Variants in AMBRA1 observed in about 807,000 individuals in gnomAD.
AMBRA1 encodes activating molecule in BECN1-regulated autophagy protein 1.
A neutral mutation model predicts 125.4 loss-of-function variants in AMBRA1; 47 were observed. The ratio of observed to expected loss-of-function variants is 0.37; its 90% CI spans 0.30 to 0.48. The LOEUF is 0.48. Among genes scored for constraint, AMBRA1 ranks in the 20% least tolerant of loss-of-function variants. The pLI, the probability that AMBRA1 is intolerant of heterozygous loss-of-function variation, is 0.99. For synonymous variants in AMBRA1, 626 were observed against 655.5 expected, an observed-to-expected ratio of 0.95 and a Z score of 0.69; for missense variants, 1,331 against 1,693.4, an observed-to-expected ratio of 0.79 and a Z score of 3.76.
chr11:46,445,196 GA>G (rs1038854397), intron 11 of AMBRA1, among the ~76,000 whole-genome samples: 1 of 152,102 alleles, frequency 6.6e-6, no homozygotes, highest in African/African-American at 2.4e-5. Context: ...GACAAGTAGG[GA>G]AAAAATGTCT....
At chr11:46,551,311 C>CGTTT (rs1555005773) in intron 1 of AMBRA1, among the ~76,000 whole-genome samples, 1 of 151,514 alleles carries the variant, frequency 6.6e-6, no homozygotes, top group Non-Finnish European at 1.5e-5. Context: ...TTTGTGGGGA[C>CGTTT]TTTATTTTTA....
chr11:46,447,856 G>A (rs1484007844), intron 11 of AMBRA1, among the ~76,000 whole-genome samples: 2 of 151,654 alleles, frequency 1.3e-5, no homozygotes, highest in Admixed American at 6.6e-5. Context: ...TGTGTGTATT[G>A]CATCTACAGT....
At chr11:46,406,372 TAAAAAA>T (rs529275776) in intron 17 of AMBRA1, among the ~76,000 whole-genome samples, 1 of 81,534 alleles carries the variant, frequency 1.2e-5, no homozygotes, top group Admixed American at 1.5e-4. Flanking sequence ...ATCTTTAAAT[TAAAAAA>T]AAAAAAAAAA....
At chr11:46,514,858 G>A (rs963721853) in intron 7 of AMBRA1, among the ~76,000 whole-genome samples, 5 of 152,162 alleles carry the variant, frequency 3.3e-5, no homozygotes, top group African/African-American at 1.2e-4. Flanking sequence ...GAATGTGTGG[G>A]ACAGGTAAGG....
At chr11:46,564,417 G>A (rs967627515) in intron 1 of AMBRA1, among the ~76,000 whole-genome samples, 1 of 152,086 alleles carries the variant, frequency 6.6e-6, no homozygotes, top group African/African-American at 2.4e-5. Flanking sequence ...GATGGGTACT[G>A]TTATTCCCAT....
rs553259677 is a variant in AMBRA1 at position 46,497,033 on chromosome 11, A to C, written c.2340-2829T>G. ...AGGTTAAGACACAAGAATCGCTTGA[A>C]CCAGGAGGCGGAGGTTGCAGTGAGC... On this transcript the variant is annotated intron_variant, in intron 9 of 17. Coordinates refer to ENST00000683756, the MANE Select transcript of AMBRA1 (RefSeq NM_001387011.1). Among the ~76,000 whole-genome samples, 6 of 151,938 alleles carry C rather than the reference A, an allele frequency of 3.9e-5. No homozygotes were observed. In the East Asian group the frequency reaches 9.7e-4, roughly 25 times the overall value.
In AMBRA1 at chr11:46,434,904, T is replaced by C; in HGVS notation, c.2766A>G (p.Ala922=). The C allele has an allele frequency of 1.2e-6, 2 of 1,614,130 alleles. No individual in the cohort carries two copies. The highest frequency in any genetic ancestry group is 1.7e-6 in the Non-Finnish European group (2 of 1,180,002). The change falls in exon 13 of 18, where the codon GCA becomes GCG. Residue 922 remains alanine (A), a synonymous_variant. Transcript: ENST00000683756. ...GGTTATGGGGGGCCAGGGAGTACAC[T>C]GCCAGGATGCCTTCATCAGGAAAGC... ...QRGFPDEGIL[A]VYSLAPHNLG...
intron 6 of AMBRA1, 65 bp downstream of exon 6, chr11:46,543,910 T>C (rs1952872807): frequency 1.6e-6 from 2 of 1,285,678 alleles, no homozygotes; most frequent in South Asian, 1.2e-5. Flanking sequence ...ATAATCAGAA[T>C]TGGAATACTA....
intron 7 of AMBRA1, among the ~76,000 whole-genome samples, chr11:46,523,202 C>G (rs949964432): frequency 6.6e-6 from 1 of 152,208 alleles, no homozygotes; most frequent in Non-Finnish European, 1.5e-5. Flanking sequence ...AAGGTTCATT[C>G]TGAACTGCTT....
rs191854481 is a variant in AMBRA1, at chr11:46,500,646, T to C, written c.2340-6442A>G. ...TCATATCACAAACACTCCATAGCTC[T>C]AGCCACAGATCTATTCAGGGTCCCT... On this transcript the variant is annotated intron_variant, in intron 9 of 17. Transcript: ENST00000683756. Among the ~76,000 whole-genome samples the C allele has an allele frequency of 5.1e-4, 78 of 152,340 alleles. 1 individual carries two copies. Among genetic ancestry groups the C allele is most frequent in the Admixed American group, 3.5e-3 (54 of 15,304 alleles).
intron 11 of AMBRA1, among the ~76,000 whole-genome samples, chr11:46,477,100 CAAAA>C (rs966567377): frequency 2.8e-5 from 2 of 72,072 alleles, no homozygotes; most frequent in African/African-American, 5.1e-5. Flanking sequence ...AAGACTGTCT[CAAAA>C]AAAAAAAAAA....
intron 14 of AMBRA1, chr11:46,428,634 A>C (rs1947278908): frequency 5.7e-6 from 9 of 1,589,598 alleles, no homozygotes; most frequent in Admixed American, 1.7e-5. Context: ...TATTCAATGC[A>C]AAAGAATCCT....
At chr11:46,537,165 AAAT>A (rs1408664751) in intron 7 of AMBRA1, among the ~76,000 whole-genome samples, 1 of 152,238 alleles carries the variant, frequency 6.6e-6, no homozygotes, top group Non-Finnish European at 1.5e-5. Flanking sequence ...TTCTACCCAA[AAAT>A]AATAATTACA....
chr11:46,505,822 C>T (rs1185299970), intron 9 of AMBRA1, among the ~76,000 whole-genome samples: 1 of 152,050 alleles, frequency 6.6e-6, no homozygotes, highest in African/African-American at 2.4e-5. Context: ...ACATTTTAAA[C>T]TAACCCAGAA....
chr11:46,506,072 C>A (rs1006598438), intron 9 of AMBRA1, among the ~76,000 whole-genome samples: 52 of 152,280 alleles, frequency 3.4e-4, no homozygotes, highest in African/African-American at 1.2e-3. Context: ...CTGAATAGAC[C>A]CTGGTGCTGG....
intron 7 of AMBRA1, among the ~76,000 whole-genome samples, chr11:46,532,256 T>G (rs761221749): frequency 6.6e-6 from 1 of 152,180 alleles, no homozygotes; most frequent in Admixed American, 6.5e-5. Context: ...TTGTCAGAGA[T>G]AGAACAGGGC....
At chr11:46,484,302 T>C (rs1430792565) in intron 11 of AMBRA1, among the ~76,000 whole-genome samples, 1 of 152,162 alleles carries the variant, frequency 6.6e-6, no homozygotes, top group African/African-American at 2.4e-5. Context: ...TTCTGAGGGG[T>C]TGCAAAACAT....
At chr11:46,567,707 C>T (rs539066221) in intron 1 of AMBRA1, among the ~76,000 whole-genome samples, 86 of 151,714 alleles carry the variant, frequency 5.7e-4, no homozygotes, top group African/African-American at 2.0e-3. Context: ...GACAAGATGA[C>T]CCCACCCCAA....
At chr11:46,467,007 T>A (rs1949358658) in intron 11 of AMBRA1, among the ~76,000 whole-genome samples, 1 of 151,152 alleles carries the variant, frequency 6.6e-6, no homozygotes, top group South Asian at 2.1e-4. Context: ...AACCTTCACC[T>A]CCCGGATCCA....
Sources: gnomAD v4.1 joint callset for allele counts (sites outside exome capture counted in the v4.1 genomes callset) on GRCh38, gnomAD v4.1.1 for gene constraint, MANE v1.5 for transcripts, NCBI Gene and HGNC (gene_info 2026-07-23, HGNC 2026-07-21) for gene names.